TICRR: variants seen among roughly 807,000 people sequenced by gnomAD.
TICRR encodes TOPBP1 interacting checkpoint and replication regulator, also known as treslin.
TICRR carries 132 observed loss-of-function variants against 178.1 expected under a neutral mutation model. That is an observed-to-expected ratio of 0.74 (90% CI 0.64 to 0.86). The LOEUF is 0.86. Among genes scored for constraint, TICRR ranks in the 40% least tolerant of loss-of-function variants. TICRR has a pLI of 0.00. For synonymous variants in TICRR, 991 were observed against 900.7 expected (o/e 1.10, Z -1.79); for missense variants, 2,587 against 2,334.3 (o/e 1.11, Z -2.23).
At chr15:89,577,421 A>T (rs1962643073) in intron 1 of TICRR, among the ~76,000 whole-genome samples, 1 of 152,074 alleles carries the variant, frequency 6.6e-6, no homozygotes, top group Non-Finnish European at 1.5e-5. Context: ...AGAAGCCAGT[A>T]ACATCTGAGT....
intron 15 of TICRR, among the ~76,000 whole-genome samples, chr15:89,614,500 T>C (rs1201947161): frequency 6.6e-6 from 1 of 152,054 alleles, no homozygotes; most frequent in Non-Finnish European, 1.5e-5. Context: ...TGGCTAATTT[T>C]TGTATTTTTT....
intron 14 of TICRR, among the ~76,000 whole-genome samples, chr15:89,607,676 C>T (rs1204468146): frequency 1.3e-5 from 2 of 151,922 alleles, no homozygotes; most frequent in Non-Finnish European, 2.9e-5. Context: ...TTAATGTGAA[C>T]CTTTATGTCA....
rs1397110445 is a variant in TICRR, at chr15:89,599,371, C to G, written c.1948C>G (p.Gln650Glu). Residue 650 changes from glutamine to glutamate, a missense_variant, in exon 8 of 22, where the codon CAA becomes GAA. By Grantham distance (29) the Gln-to-Glu change is conservative. Transcript: ENST00000268138. ...ELLSYIRENY[Q>E]KTVATGEIML... is the part of the protein sequence containing the mutation. The stretch of plus-strand genomic sequence containing the variant: ...GCTATCATATATACGTGAAAATTAC[C>G]AAAAGACTGTGGCCACAGGAGAAAT... 2 of 1,612,668 alleles carry G rather than the reference C, an allele frequency of 1.2e-6. No homozygotes were observed. Among genetic ancestry groups the G allele is most frequent in the East Asian group, 2.2e-5 (1 of 44,820 alleles).
chr15:89,605,296 G>A (rs1418193242), intron 13 of TICRR, among the ~76,000 whole-genome samples: 1 of 152,226 alleles, frequency 6.6e-6, no homozygotes, highest in Non-Finnish European at 1.5e-5. Context: ...TCAAAAACAA[G>A]AGGTGGCCCA....
At chr15:89,599,175 CG>C in intron 7 of TICRR, 148 bp from the exon 8 acceptor site, 1 of 612,672 alleles carries the variant, frequency 1.6e-6, no homozygotes, top group Non-Finnish European at 2.7e-6. Context: ...CAGCCACCCC[CG>C]CCCCCACCAC....
At chr15:89,606,680 A>G (rs572909925) in intron 13 of TICRR, 88 bp from the exon 14 acceptor site, 18 of 1,031,028 alleles carry the variant, frequency 1.7e-5, no homozygotes, top group Middle Eastern at 4.1e-4. Context: ...ATGAATTACA[A>G]GAGTCAAAGA....
At chr15:89,616,643 G>T (rs1342676741) in intron 16 of TICRR, 148 bp downstream of exon 16, 1 of 621,968 alleles carries the variant, frequency 1.6e-6, no homozygotes, top group African/African-American at 1.9e-5. Context: ...AGCTCTCCAT[G>T]GGAGCAGGAG....
chr15:89,624,888 C>G lies in TICRR; in HGVS notation c.4578C>G (p.His1526Gln). Residue 1526 changes from histidine (H) to glutamine (Q), a missense_variant, in exon 20 of 22, where the codon CAC (histidine) becomes CAG (glutamine). His to Gln is a conservative substitution (Grantham distance 24, BLOSUM62 0). Transcript: ENST00000268138. ...GSPLMPSRDV[H>Q]CTTDGRQCQA... ...CTCTGATGCCTTCCCGTGACGTGCACTGTACCACAGATGGGAGACAGTGCC... is the reference window on the plus strand; with the variant it reads ...CTCTGATGCCTTCCCGTGACGTGCAGTGTACCACAGATGGGAGACAGTGCC... The G allele has an allele frequency of 6.2e-7, 1 of 1,614,160 alleles. No individual in the cohort carries two copies. The highest frequency in any genetic ancestry group is 8.5e-7 in the Non-Finnish European group (1 of 1,180,038).
At position 89,584,327 on chromosome 15, in the gene TICRR, C is replaced by A; in HGVS notation, c.976C>A (p.Pro326Thr). ...IQETWTVTLE[P>T]LAMHQRHFQK... ...AGAAACATGGACAGTCACCCTAGAG[C>A]CCTTGGCCATGCATCAGAGACATTT... The change falls in exon 3 of 22, where the codon CCC becomes ACC. Residue 326 changes from proline to threonine, a missense_variant. Coordinates refer to ENST00000268138, the MANE Select transcript of TICRR (RefSeq NM_152259.4). 1 of 1,614,058 alleles carries A rather than the reference C, an allele frequency of 6.2e-7. No individual in the cohort carries two copies.
Position 89,584,393 on chromosome 15 carries a change from C to T in TICRR, c.1042C>T (p.Gln348Ter). The T allele has an allele frequency of 6.2e-7, 1 of 1,614,166 alleles. No homozygotes were observed. The highest frequency in any genetic ancestry group is 2.2e-5 in the East Asian group (1 of 44,882). ...AATTTTTCTAAAAGGCTCAGTGGCC[C>T]AGTGGTCTCTCCCAACGAGCAGCAC... The part of the protein sequence containing the change: ...VRIFLKGSVA[Q>*]WSLPTSSTLG... The change falls in exon 3 of 22, where the codon CAG becomes TAG. Residue 348 changes from glutamine to a stop codon, truncating the protein, a stop_gained. Transcript: ENST00000268138. LOFTEE classifies it high-confidence loss of function.
At chr15:89,588,532 G>A (rs1962858972) in intron 4 of TICRR, among the ~76,000 whole-genome samples, 1 of 152,168 alleles carries the variant, frequency 6.6e-6, no homozygotes, top group Non-Finnish European at 1.5e-5. Flanking sequence ...CAGATCAATG[G>A]GTTATAGGGG....
chr15:89,627,716 A>G lies in TICRR; in HGVS notation c.*630A>G. The G allele has an allele frequency of 6.5e-6, 1 of 153,210 alleles. No homozygotes were observed. Among genetic ancestry groups the G allele is most frequent in the Admixed American group, 6.5e-5 (1 of 15,408 alleles). The allele number at this position is 153,210 out of a possible 1,614,324, so 9.5% of individuals were successfully genotyped here. On this transcript the variant is annotated 3_prime_UTR_variant, in exon 22 of 22. Coordinates refer to ENST00000268138, the MANE Select transcript of TICRR (RefSeq NM_152259.4). ...GGACTGTCCAAGAGCCAGCCAGTTC[A>G]GGGCTCAGGCCTCACCCATTGCCCA...
intron 2 of TICRR, 115 bp from the exon 3 acceptor site, chr15:89,584,167 CTTGA>C: frequency 9.5e-7 from 1 of 1,055,172 alleles, no homozygotes; most frequent in Non-Finnish European, 1.3e-6. Flanking sequence ...CAATTGACAA[CTTGA>C]TTATTTTCTT....
chr15:89,613,666 T>C (rs1440933435), intron 15 of TICRR, among the ~76,000 whole-genome samples: 6 of 151,954 alleles, frequency 3.9e-5, no homozygotes, highest in African/African-American at 1.4e-4. Flanking sequence ...ATTTGTTGAC[T>C]CTTTCTTTGC....
At chr15:89,590,258 T>C (rs1260516251) in intron 4 of TICRR, among the ~76,000 whole-genome samples, 1 of 152,214 alleles carries the variant, frequency 6.6e-6, no homozygotes. Flanking sequence ...TATTTAGTTA[T>C]GTTTGTGCAC....
At position 89,595,495 on chromosome 15, in the gene TICRR, A is replaced by G; in HGVS notation, c.1784A>G (p.His595Arg). 6.2e-7 allele frequency: 1 copy of G among 1,614,206 alleles called. No homozygotes were observed. The highest frequency in any genetic ancestry group is 8.5e-7 in the Non-Finnish European group (1 of 1,180,032). Residue 595 changes from histidine (H) to arginine (R), a missense_variant, in exon 7 of 22, where the codon CAT (histidine) becomes CGT (arginine). Transcript: ENST00000268138. ...CTGAATGTGAAGGCCCAGAAGTTAC[A>G]TCCAGATGGCAGTCCGGATGTGGCT... ...ARLNVKAQKL[H>R]PDGSPDVAGE... is the part of the protein sequence containing the mutation.
chr15:89,619,469 T>C (rs1436290753), intron 17 of TICRR, among the ~76,000 whole-genome samples: 1 of 152,104 alleles, frequency 6.6e-6, no homozygotes, highest in Non-Finnish European at 1.5e-5. Context: ...TGGCAGTAAA[T>C]AAGACTTCTG....
intron 19 of TICRR, 77 bp downstream of exon 19, chr15:89,621,627 T>C (rs1963427234): frequency 7.8e-7 from 1 of 1,286,816 alleles, no homozygotes; most frequent in Non-Finnish European, 1.1e-6. Flanking sequence ...TCAGAGTCCA[T>C]TAGGGAAGAG....
chr15:89,624,096 G>A lies in TICRR; in HGVS notation c.3786G>A (p.Gln1262=), dbSNP rs950570288. 18 of 1,613,662 alleles carry A rather than the reference G, an allele frequency of 1.1e-5. No homozygotes were observed. Among genetic ancestry groups the A allele is most frequent in the Non-Finnish European group, 1.5e-5 (18 of 1,179,964 alleles). Residue 1262 remains glutamine, a synonymous_variant, in exon 20 of 22, where the codon CAG becomes CAA. Coordinates refer to ENST00000268138, the MANE Select transcript of TICRR (RefSeq NM_152259.4). The part of the protein sequence containing the change: ...PRAAAFMGTP[Q]NQTHQQPHVL... ...CAGCAGCCTTCATGGGCACGCCTCA[G>A]AATCAAACACACCAACAGCCCCATG... is the stretch of plus-strand genomic sequence containing the variant.
Sources: allele counts gnomAD v4.1 joint callset (sites outside exome capture counted in the v4.1 genomes callset), GRCh38; gene constraint gnomAD v4.1.1; transcripts MANE v1.5; gene names NCBI Gene and HGNC (gene_info 2026-07-23, HGNC 2026-07-21).